The following RAD18 variants were observed in gnomAD, a reference collection of about 807,000 sequenced individuals.
RAD18 encodes the protein RAD18 E3 ubiquitin protein ligase.
RAD18 carries 47 observed loss-of-function variants against 60.4 expected under a neutral mutation model. The observed-to-expected ratio is 0.78, with a 90% confidence interval of 0.62 to 0.99. The LOEUF (loss-of-function observed/expected upper bound fraction) is 0.99. Ranked by LOEUF, RAD18 falls within the 50% of genes least tolerant of loss-of-function variation. RAD18 has a pLI of 0.00. For missense variants in RAD18, 640 were observed against 593.3 expected (o/e 1.08, Z -0.82); for synonymous variants, 225 against 195.5 (o/e 1.15, Z -1.26).
chr3:8,899,006 G>T lies in RAD18; in HGVS notation c.1210C>A (p.Gln404Lys). 6.2e-7 allele frequency: 1 copy of T among 1,607,826 alleles called. No homozygotes were observed. The highest frequency in any genetic ancestry group is 8.5e-7 in the Non-Finnish European group (1 of 1,176,240). The change falls in exon 11 of 13, where the codon CAA (glutamine) becomes AAA (lysine). Residue 404 changes from glutamine to lysine, a missense_variant. Coordinates refer to ENST00000264926, the MANE Select transcript of RAD18 (RefSeq NM_020165.4). ...TCCTCTGGGGAGTCCAGCTTTGATTGAGAAAAGTGGTTTGTTACTGAGGTC... is the reference window on the plus strand; with the variant it reads ...TCCTCTGGGGAGTCCAGCTTTGATTTAGAAAAGTGGTTTGTTACTGAGGTC... ...NMTSVTNHFS[Q>K]SKLDSPEELE...
rs1315683206 is a variant in RAD18 at position 8,878,153 on chromosome 3, C to G, written c.*3204G>C. On this transcript the variant is annotated 3_prime_UTR_variant, in exon 13 of 13. Coordinates refer to ENST00000264926, the MANE Select transcript of RAD18 (RefSeq NM_020165.4). ...GCTGGTAGAAGTCTGTCGGGGGGAG[C>G]AGCAACATATGCAAGCATGGACTTG... 6.6e-6 allele frequency: 1 copy of G among 152,220 alleles called. No individual in the cohort carries two copies. Among genetic ancestry groups the G allele is most frequent in the African/African-American group, 2.4e-5 (1 of 41,440 alleles). 9.4% of individuals were successfully genotyped at this position (152,220 alleles called of 1,614,324 possible).
At chr3:8,927,896 A>G (rs1575550977) in intron 7 of RAD18, among the ~76,000 whole-genome samples, 1 of 141,138 alleles carries the variant, frequency 7.1e-6, no homozygotes, top group African/African-American at 2.6e-5. Flanking sequence ...AACATCACAC[A>G]CTGGGGCCTG....
At position 8,877,722 on chromosome 3, in the gene RAD18, G is replaced by A. The variant is rs1939386864; in HGVS notation, c.*3635C>T. 1.3e-5 allele frequency: 2 copies of A among 152,146 alleles called. No homozygotes were observed. The highest frequency in any genetic ancestry group is 2.9e-5 in the Non-Finnish European group (2 of 68,058). 9.4% of individuals were successfully genotyped at this position (152,146 alleles called of 1,614,324 possible). A position where few individuals can be genotyped will look rare whatever the true frequency, so the allele number is the denominator to read the frequency against. On this transcript the variant is annotated 3_prime_UTR_variant, in exon 13 of 13. Transcript: ENST00000264926. ...CTGATCTACAAGCTCCATCAGGGCA[G>A]GAACTGTCTTTGTTTTGCACATTAC... is the stretch of plus-strand genomic sequence containing the variant.
intron 7 of RAD18, among the ~76,000 whole-genome samples, chr3:8,915,104 G>A (rs1940175753): frequency 7.3e-6 from 1 of 137,026 alleles, no homozygotes; most frequent in Non-Finnish European, 1.5e-5. Context: ...AACTGAGATG[G>A]CACCACTGCA....
In RAD18 at chr3:8,877,636, T is replaced by C. The variant is rs1235554890; in HGVS notation, c.*3721A>G. ...TTTGATAGTGCCATGAACCTCTCTT[T>C]TGTTGCACTCATCACAGTTGTACAT... On this transcript the variant is annotated 3_prime_UTR_variant, in exon 13 of 13. Coordinates refer to ENST00000264926, the MANE Select transcript of RAD18 (RefSeq NM_020165.4). The C allele has an allele frequency of 6.6e-6, 1 of 152,236 alleles. No homozygotes were observed. The highest frequency in any genetic ancestry group is 1.5e-5 in the Non-Finnish European group (1 of 68,048). The allele number at this position is 152,236 out of a possible 1,614,324, so 9.4% of individuals were successfully genotyped here.
chr3:8,945,540 C>T (rs937559663), intron 4 of RAD18, among the ~76,000 whole-genome samples: 5 of 133,104 alleles, frequency 3.8e-5, no homozygotes, highest in East Asian at 2.2e-4. Context: ...GGCGTGATCT[C>T]GGCTCACTGC....
intron 7 of RAD18, among the ~76,000 whole-genome samples, chr3:8,934,840 G>A (rs1323380335): frequency 1.3e-5 from 2 of 152,212 alleles, no homozygotes; most frequent in South Asian, 2.1e-4. Flanking sequence ...ACACTGAATG[G>A]ATAAGATGAT....
At chr3:8,954,873 T>C (rs1411016022) in intron 2 of RAD18, among the ~76,000 whole-genome samples, 1 of 152,064 alleles carries the variant, frequency 6.6e-6, no homozygotes, top group Admixed American at 6.6e-5. Flanking sequence ...GAGCAAATTT[T>C]AGACATGACG....
chr3:8,890,347 C>G (rs1404992957), intron 12 of RAD18, 42 bp downstream of exon 12: 2 of 1,440,878 alleles, frequency 1.4e-6, no homozygotes, highest in Non-Finnish European at 1.9e-6. Flanking sequence ...TATAATTTCT[C>G]AGGTCAAAGT....
chr3:8,891,841 T>C (rs1939697090), intron 11 of RAD18, among the ~76,000 whole-genome samples: 1 of 152,252 alleles, frequency 6.6e-6, no homozygotes, highest in Non-Finnish European at 1.5e-5. Context: ...TTGATGCTAA[T>C]ACAATTAAAA....
chr3:8,919,895 T>G (rs923149419), intron 7 of RAD18, among the ~76,000 whole-genome samples: 5 of 152,224 alleles, frequency 3.3e-5, no homozygotes, highest in African/African-American at 1.2e-4. Context: ...ACACTCCTGC[T>G]GGCCAAATGT....
chr3:8,915,734 C>CCTGTA (rs1940188956), intron 7 of RAD18, among the ~76,000 whole-genome samples: 2 of 152,020 alleles, frequency 1.3e-5, no homozygotes, highest in African/African-American at 4.8e-5. Context: ...CAGGTGCCTG[C>CCTGTA]CACCACGCTC....
intron 10 of RAD18, among the ~76,000 whole-genome samples, chr3:8,899,675 C>T (rs532330316): frequency 4.7e-4 from 71 of 152,314 alleles, no homozygotes; most frequent in African/African-American, 1.2e-3. Context: ...TGGAAGGATG[C>T]AGTGTTTACA....
chr3:8,915,036 C>T (rs1214211001), intron 7 of RAD18, among the ~76,000 whole-genome samples: 2 of 151,652 alleles, frequency 1.3e-5, no homozygotes, highest in African/African-American at 4.8e-5. Flanking sequence ...ATAGTCCCAG[C>T]TACCTGGGAG....
intron 3 of RAD18, 94 bp from the exon 4 acceptor site, chr3:8,947,384 G>A: frequency 1.0e-6 from 1 of 969,896 alleles, no homozygotes. Context: ...ATCCTCCTGA[G>A]GTTCTCCATC....
At chr3:8,934,732 G>A (rs1406284134) in intron 7 of RAD18, among the ~76,000 whole-genome samples, 2 of 152,070 alleles carry the variant, frequency 1.3e-5, no homozygotes, top group Non-Finnish European at 2.9e-5. Flanking sequence ...ATATCCAACA[G>A]CAACATGCAC....
intron 9 of RAD18, among the ~76,000 whole-genome samples, chr3:8,909,641 T>C (rs961598972): frequency 5.3e-5 from 8 of 152,216 alleles, no homozygotes; most frequent in African/African-American, 1.9e-4. Context: ...AAGTATCTTT[T>C]TAACCTAAAG....
intron 12 of RAD18, among the ~76,000 whole-genome samples, 165 bp from the exon 13 acceptor site, chr3:8,881,624 A>C (rs45519434): frequency 0.052 from 7,935 of 152,294 alleles, 534 homozygotes; most frequent in East Asian, 0.23. Context: ...CCACTTTATG[A>C]ATTAGTGAGT....
chr3:8,959,864 C>A (rs1210873638), intron 1 of RAD18, among the ~76,000 whole-genome samples: 1 of 142,052 alleles, frequency 7.0e-6, no homozygotes, highest in Non-Finnish European at 1.5e-5. Context: ...CCTGCATGAC[C>A]GAGTGAAACT....
Sources: gnomAD v4.1 joint callset for allele counts (sites outside exome capture counted in the v4.1 genomes callset) on GRCh38, gnomAD v4.1.1 for gene constraint, MANE v1.5 for transcripts, NCBI Gene and HGNC (gene_info 2026-07-23, HGNC 2026-07-21) for gene names.